Variants in PDE7A observed in about 807,000 individuals in gnomAD.
PDE7A encodes the protein high affinity 3',5'-cyclic-AMP phosphodiesterase 7A.
In PDE7A, 39 loss-of-function variants were observed where a neutral mutation model predicts 64.3. The observed-to-expected ratio is 0.61, with a 90% CI of 0.47 to 0.79. The LOEUF is 0.79. PDE7A is among the 30% of genes least tolerant of loss of function. The probability of loss-of-function intolerance (pLI) is 0.00; values close to 1 mark genes in which losing one functional copy is unlikely to be tolerated. For missense variants in PDE7A, 470 were observed against 582.8 expected (o/e 0.81, Z 1.99); for synonymous variants, 203 against 206.8 (o/e 0.98, Z 0.16).
At chr8:65,774,019 A>G (rs1484317994) in intron 3 of PDE7A, among the ~76,000 whole-genome samples, 3 of 152,156 alleles carry the variant, frequency 2.0e-5, no homozygotes, top group Non-Finnish European at 2.9e-5. Flanking sequence ...ATACCAAAAC[A>G]TACTTTTACT....
At chr8:65,778,564 C>G (rs1809322414) in intron 3 of PDE7A, among the ~76,000 whole-genome samples, 1 of 152,188 alleles carries the variant, frequency 6.6e-6, no homozygotes, top group Admixed American at 6.5e-5. Flanking sequence ...TTCTCGGAAT[C>G]ATGAGCATTA....
chr8:65,828,082 A>G (rs1392860916), intron 1 of PDE7A, among the ~76,000 whole-genome samples: 1 of 152,176 alleles, frequency 6.6e-6, no homozygotes, highest in Non-Finnish European at 1.5e-5. Flanking sequence ...CAGACATGTT[A>G]CTTTTTTAAA....
At chr8:65,745,512 A>C in intron 4 of PDE7A, 42 bp from the exon 5 acceptor site, 1 of 1,084,740 alleles carries the variant, frequency 9.2e-7, no homozygotes. Flanking sequence ...TTTAATTTCA[A>C]TAACATTGTC....
At chr8:65,722,412 T>C (rs1806423344) in intron 12 of PDE7A, 1 of 152,298 alleles carries the variant, frequency 6.6e-6, no homozygotes, top group South Asian at 2.1e-4. Context: ...CCCCATGGCA[T>C]GGTCTTCCTT....
intron 3 of PDE7A, among the ~76,000 whole-genome samples, chr8:65,757,775 C>T (rs1487529239): frequency 2.6e-5 from 4 of 152,096 alleles, no homozygotes; most frequent in Non-Finnish European, 4.4e-5. Context: ...TGTGCCACCA[C>T]GCCCGGCTAA....
intron 1 of PDE7A, among the ~76,000 whole-genome samples, chr8:65,810,688 T>TA (rs1188788190): frequency 2.0e-5 from 3 of 152,148 alleles, no homozygotes; most frequent in Non-Finnish European, 1.5e-5. Flanking sequence ...GTGAAAAACT[T>TA]AAAGTATCTC....
At chr8:65,747,864 G>A in intron 3 of PDE7A, 61 bp from the exon 4 acceptor site, 2 of 1,000,932 alleles carry the variant, frequency 2.0e-6, no homozygotes, top group South Asian at 1.7e-5. Context: ...TGCTATCTTT[G>A]CAATACCACT....
rs1806107240 is a variant in PDE7A, at chr8:65,715,740, C to T, written c.*3550G>A. On this transcript the variant is annotated 3_prime_UTR_variant, in exon 13 of 13. Transcript: ENST00000401827. ...GTGGCTCACGCCTGTAATCCCAGCA[C>T]TATGGGAGGCCGAGGCGGGCGGATC... 6.8e-6 allele frequency among the ~76,000 whole-genome samples: 1 copy of T among 147,660 alleles called. No homozygotes were observed. The highest frequency in any genetic ancestry group is 6.7e-5 in the Admixed American group (1 of 15,020).
At chr8:65,767,132 G>A (rs1333116572) in intron 3 of PDE7A, among the ~76,000 whole-genome samples, 1 of 152,138 alleles carries the variant, frequency 6.6e-6, no homozygotes, top group African/African-American at 2.4e-5. Flanking sequence ...TTTATTTGTG[G>A]CTAATCTTGT....
intron 1 of PDE7A, among the ~76,000 whole-genome samples, chr8:65,813,088 T>G (rs1810295231): frequency 6.6e-6 from 1 of 152,122 alleles, no homozygotes; most frequent in South Asian, 2.1e-4. Context: ...AGGAAAAGAT[T>G]TGGACACAGT....
intron 1 of PDE7A, among the ~76,000 whole-genome samples, chr8:65,790,055 G>C (rs894492584): frequency 1.3e-5 from 2 of 152,248 alleles, no homozygotes; most frequent in African/African-American, 4.8e-5. Context: ...ATGACCCTGA[G>C]ATAAAGTGTG....
At chr8:65,737,589 TCTCA>T (rs896847165) in intron 6 of PDE7A, among the ~76,000 whole-genome samples, 6 of 152,186 alleles carry the variant, frequency 3.9e-5, no homozygotes, top group South Asian at 2.1e-4. Context: ...ACTCTCTCTC[TCTCA>T]ATCTCACCTC....
At chr8:65,808,014 C>T (rs1466420401) in intron 1 of PDE7A, among the ~76,000 whole-genome samples, 3 of 152,196 alleles carry the variant, frequency 2.0e-5, no homozygotes, top group Admixed American at 6.5e-5. Flanking sequence ...CTGGAGCCTG[C>T]TCACACTGTT....
At chr8:65,800,499 T>TA (rs2128927984) in intron 1 of PDE7A, among the ~76,000 whole-genome samples, 1 of 152,340 alleles carries the variant, frequency 6.6e-6, no homozygotes, top group East Asian at 1.9e-4. Context: ...CCCCTGTGTT[T>TA]AAAAATCCTT....
chr8:65,745,512 A>AT, intron 4 of PDE7A, 42 bp from the exon 5 acceptor site: 1 of 1,084,740 alleles, frequency 9.2e-7, no homozygotes, highest in Non-Finnish European at 1.4e-6. Context: ...TTTAATTTCA[A>AT]TAACATTGTC....
intron 1 of PDE7A, among the ~76,000 whole-genome samples, chr8:65,830,907 T>C (rs534624482): frequency 6.6e-6 from 1 of 151,836 alleles, no homozygotes; most frequent in African/African-American, 2.4e-5. Context: ...TAGGATAATA[T>C]GTAGAGAAAG....
At chr8:65,723,351 T>C in intron 12 of PDE7A, 190 bp downstream of exon 12, 1 of 449,426 alleles carries the variant, frequency 2.2e-6, no homozygotes. Context: ...AAAAATATAC[T>C]TTTTACATCC....
At chr8:65,800,782 T>C (rs1261639041) in intron 1 of PDE7A, among the ~76,000 whole-genome samples, 2 of 152,168 alleles carry the variant, frequency 1.3e-5, no homozygotes, top group Non-Finnish European at 2.9e-5. Flanking sequence ...AAGAAGGCCC[T>C]TGCTCAACGA....
chr8:65,789,011 C>T, intron 1 of PDE7A: 1 of 1,589,240 alleles, frequency 6.3e-7, no homozygotes, highest in South Asian at 1.1e-5. Flanking sequence ...TCTTAGGAGT[C>T]TGATAAATAC....
Sources: gnomAD v4.1 joint callset for allele counts (sites outside exome capture counted in the v4.1 genomes callset) on GRCh38, gnomAD v4.1.1 for gene constraint, MANE v1.5 for transcripts, NCBI Gene and HGNC (gene_info 2026-07-23, HGNC 2026-07-21) for gene names.